The following UNC119B variants were observed in gnomAD, a reference collection of about 807,000 sequenced individuals.
The protein encoded by UNC119B is protein unc-119 homolog B.
A neutral mutation model predicts 23.4 loss-of-function variants in UNC119B; 16 were observed. The observed-to-expected ratio is 0.68, with a 90% CI of 0.46 to 1.04. The LOEUF is 1.04. Among genes scored for constraint, UNC119B ranks in the 50% least tolerant of loss-of-function variants. UNC119B has a pLI of 0.00. For missense variants in UNC119B, 350 were observed against 361.3 expected (o/e 0.97, Z 0.25); for synonymous variants, 144 against 145.4 (o/e 0.99, Z 0.07).
rs1659254666 is a variant in UNC119B at position 120,716,724 on chromosome 12, G to A, written c.455G>A (p.Arg152Gln). Reference sequence around the variant, plus strand: ...TTCACACCGGCATTTCTCCGCCTCCGGACAGTCGGGGCTACGTGAGTACCA... The same window carrying A: ...TTCACACCGGCATTTCTCCGCCTCCAGACAGTCGGGGCTACGTGAGTACCA... ...YQFTPAFLRL[R>Q]TVGATVEFTV... The change falls in exon 3 of 5, where the codon CGG becomes CAG. Residue 152 changes from arginine (R) to glutamine (Q), a missense_variant. Coordinates refer to ENST00000344651, the MANE Select transcript of UNC119B (RefSeq NM_001080533.3). 2.5e-6 allele frequency: 4 copies of A among 1,614,044 alleles called. No homozygotes were observed. Among genetic ancestry groups the A allele is most frequent in the Admixed American group, 1.7e-5 (1 of 60,008 alleles).
Position 120,713,403 on chromosome 12 carries a change from G to A in UNC119B, c.358+16G>A. 6.3e-7 allele frequency: 1 copy of A among 1,583,616 alleles called. No individual in the cohort carries two copies. Among genetic ancestry groups the A allele is most frequent in the Non-Finnish European group, 8.7e-7 (1 of 1,153,910 alleles). On this transcript the variant is annotated intron_variant, in intron 2 of 4. Transcript: ENST00000344651. ...TGCGTTTCAGGTAGGCCTCTACGTTGTGGTGACCACTAGACAGTTTTGAGC... is the reference window on the plus strand; with the variant it reads ...TGCGTTTCAGGTAGGCCTCTACGTTATGGTGACCACTAGACAGTTTTGAGC...
At chr12:120,714,902 T>C (rs890157153) in intron 2 of UNC119B, among the ~76,000 whole-genome samples, 2 of 152,126 alleles carry the variant, frequency 1.3e-5, no homozygotes, top group Non-Finnish European at 2.9e-5. Flanking sequence ...ATTCCCCACA[T>C]TGAGGCTGGG....
chr12:120,713,586 G>A (rs539081057), intron 2 of UNC119B, among the ~76,000 whole-genome samples, 199 bp downstream of exon 2: 1 of 152,362 alleles, frequency 6.6e-6, no homozygotes, highest in South Asian at 2.1e-4. Flanking sequence ...TGTCTATTCT[G>A]TGCTGGTCAC....
Position 120,713,290 on chromosome 12 carries a change from C to T in UNC119B, c.261C>T (p.Pro87=), listed in dbSNP as rs11829037. ...SRVTENYLCK[P]EDNIYSIDFT... ...TGTTTTCAGATTATTTATGTAAACC[C>T]GAAGACAACATCTACAGTATTGATT... The change falls in exon 2 of 5, where the codon CCC becomes CCT. Residue 87 remains proline, a synonymous_variant. Transcript: ENST00000344651. 0.03 allele frequency: 47,718 copies of T among 1,610,150 alleles called. 4,300 individuals carry two copies. In the African/African-American group the frequency reaches 0.31, roughly 10 times the overall value.
chr12:120,719,851 C>A, intron 4 of UNC119B, 69 bp from the exon 5 acceptor site: 1 of 1,134,482 alleles, frequency 8.8e-7, no homozygotes. Flanking sequence ...AGTTTTCTCC[C>A]ACCTACCCTG....
chr12:120,713,525 C>T, intron 2 of UNC119B, 138 bp downstream of exon 2: 1 of 644,632 alleles, frequency 1.6e-6, no homozygotes, highest in Non-Finnish European at 2.7e-6. Flanking sequence ...GTGGCCTGGT[C>T]TGCCAGGCAT....
rs1248489074 is a variant in UNC119B at position 120,720,182 on chromosome 12, A to T, written c.*150A>T. The T allele has an allele frequency of 1.6e-6, 1 of 622,482 alleles. No homozygotes were observed. Among genetic ancestry groups the T allele is most frequent in the Non-Finnish European group, 2.8e-6 (1 of 352,744 alleles). The allele number at this position is 622,482 out of a possible 1,614,324, so 38.6% of individuals were successfully genotyped here. On this transcript the variant is annotated 3_prime_UTR_variant, in exon 5 of 5. Coordinates refer to ENST00000344651, the MANE Select transcript of UNC119B (RefSeq NM_001080533.3). ...GTGGCAGTTTCCTGCGCGCCAAAGG[A>T]GCTGCCAAACAGTGCTGTGTTTTCT...
rs1882905168 is a variant in UNC119B, at chr12:120,721,668, G to C, written c.*1636G>C. On this transcript the variant is annotated 3_prime_UTR_variant, in exon 5 of 5. Transcript: ENST00000344651. The stretch of plus-strand genomic sequence containing the variant: ...ATGCTGGCAGCTTTCTCACTGAGAA[G>C]GTCCTAGCTTACCCCTGTGTGCTGG... 1 of 152,786 alleles carries C rather than the reference G, an allele frequency of 6.5e-6. No homozygotes were observed. Among genetic ancestry groups the C allele is most frequent in the African/African-American group, 2.4e-5 (1 of 41,466 alleles). The allele number at this position is 152,786 out of a possible 1,614,324, so 9.5% of individuals were successfully genotyped here.
rs1176589169 is a variant in UNC119B at position 120,710,564 on chromosome 12, G to A, written c.90G>A (p.Ala30=). 12 of 1,395,688 alleles carry A rather than the reference G, an allele frequency of 8.6e-6. No homozygotes were observed. Among genetic ancestry groups the A allele is most frequent in the Middle Eastern group, 5.1e-4 (2 of 3,904 alleles). 86.5% of individuals were successfully genotyped at this position (1,395,688 alleles called of 1,614,324 possible). A position where few individuals can be genotyped will look rare whatever the true frequency, so the allele number is the denominator to read the frequency against. Residue 30 remains alanine, a synonymous_variant, in exon 1 of 5, where the codon GCG becomes GCA. Transcript: ENST00000344651. ...LVAGKEEKKK[A]GGGVLNRLKA... ...CTGGCAAGGAGGAGAAGAAGAAGGC[G>A]GGCGGCGGCGTCCTGAACCGCCTGA...
Position 120,710,482 on chromosome 12 carries a change from G to T in UNC119B, c.8G>T (p.Gly3Val). The T allele has an allele frequency of 7.4e-7, 1 of 1,345,080 alleles. No homozygotes were observed. Among genetic ancestry groups the T allele is most frequent in the Non-Finnish European group, 9.5e-7 (1 of 1,055,062 alleles). 83.3% of individuals were successfully genotyped at this position (1,345,080 alleles called of 1,614,324 possible). A position where few individuals can be genotyped will look rare whatever the true frequency, so the allele number is the denominator to read the frequency against. Residue 3 changes from glycine (G) to valine (V), a missense_variant, in exon 1 of 5, where the codon GGG (glycine) becomes GTG (valine). Transcript: ENST00000344651. ...CATCTTGGCGGCGGAGCGATGAGCG[G>T]GTCTAACCCGAAGGCTGCGGCCGCG... is the stretch of plus-strand genomic sequence containing the variant. MS[G>V]SNPKAAAAAS...
rs966292774 is a variant in UNC119B at position 120,710,487 on chromosome 12, A to G, written c.13A>G (p.Asn5Asp). The G allele has an allele frequency of 1.9e-5, 26 of 1,350,906 alleles. No homozygotes were observed. The highest frequency in any genetic ancestry group is 2.5e-5 in the Non-Finnish European group (26 of 1,058,576). 83.7% of individuals were successfully genotyped at this position (1,350,906 alleles called of 1,614,324 possible). The change falls in exon 1 of 5, where the codon AAC (asparagine) becomes GAC (aspartate). Residue 5 changes from asparagine to aspartate, a missense_variant. Coordinates refer to ENST00000344651, the MANE Select transcript of UNC119B (RefSeq NM_001080533.3). The stretch of plus-strand genomic sequence containing the variant: ...TGGCGGCGGAGCGATGAGCGGGTCT[A>G]ACCCGAAGGCTGCGGCCGCGGCGTC... MSGSNPKAAAAASAA... is the reference protein window; with the variant it reads MSGSDPKAAAAASAA...
intron 2 of UNC119B, among the ~76,000 whole-genome samples, chr12:120,713,659 G>C (rs1196062750): frequency 6.6e-6 from 1 of 152,232 alleles, no homozygotes; most frequent in Non-Finnish European, 1.5e-5. Context: ...AGGAATTACT[G>C]TTATCTCTGT....
intron 1 of UNC119B, chr12:120,711,198 C>T: frequency 6.5e-6 from 1 of 153,054 alleles, no homozygotes; most frequent in East Asian, 1.9e-4. Flanking sequence ...AGCCCTCCCC[C>T]ATTGCAGCCT....
At position 120,722,490 on chromosome 12, in the gene UNC119B, G is replaced by T. The variant is rs1469042944; in HGVS notation, c.*2458G>T. ...TCTCTGAAAGTAACAGAACCATTCA[G>T]GCTGCCATGTTATTAAGGAATCTGA... On this transcript the variant is annotated 3_prime_UTR_variant, in exon 5 of 5. Transcript: ENST00000344651. 1 of 152,236 alleles carries T rather than the reference G, an allele frequency of 6.6e-6. No individual in the cohort carries two copies. Among genetic ancestry groups the T allele is most frequent in the African/African-American group, 2.4e-5 (1 of 41,462 alleles). The allele number at this position is 152,236 out of a possible 1,614,324, so 9.4% of individuals were successfully genotyped here.
rs55906857 is a variant in UNC119B at position 120,715,521 on chromosome 12, CTTTTTTTTT to C, written c.359-1086_359-1078del. Among the ~76,000 whole-genome samples, 42 of 71,514 alleles carry C rather than the reference CTTTTTTTTT, an allele frequency of 5.9e-4. No individual in the cohort carries two copies. The South Asian group carries it at 6.7e-3, about 11-fold the overall frequency. 46.9% of individuals were successfully genotyped at this position (71,514 alleles called of 152,430 possible). On this transcript the variant is annotated intron_variant, in intron 2 of 4. Coordinates refer to ENST00000344651, the MANE Select transcript of UNC119B (RefSeq NM_001080533.3). ...ACATTAGAATGCTTGTTCTCTGATT[CTTTTTTTTT>C]TTTTTTTTTTTTTTTTTTTTGAGAC...
At chr12:120,719,185 T>G (rs1882840058) in intron 4 of UNC119B, among the ~76,000 whole-genome samples, 1 of 152,186 alleles carries the variant, frequency 6.6e-6, no homozygotes, top group Admixed American at 6.5e-5. Flanking sequence ...AGAGGTAGTA[T>G]TATCTTTATT....
In UNC119B at chr12:120,720,003, G is replaced by T. The variant is rs758512832; in HGVS notation, c.727G>T (p.Ala243Ser). The change falls in exon 5 of 5, where the codon GCT becomes TCT. Residue 243 changes from alanine (A) to serine (S), a missense_variant. Ala to Ser is a moderately conservative substitution (Grantham distance 99). Coordinates refer to ENST00000344651, the MANE Select transcript of UNC119B (RefSeq NM_001080533.3). Reference sequence around the variant, plus strand: ...CAACAAGCTGATAATGCACAACAAGGCTGATTATGCCTATAATGGAGGCCA... The same window carrying T: ...CAACAAGCTGATAATGCACAACAAGTCTGATTATGCCTATAATGGAGGCCA... The part of the protein sequence containing the change: ...VDNKLIMHNK[A>S]DYAYNGGQ 6.2e-7 allele frequency: 1 copy of T among 1,613,970 alleles called. No homozygotes were observed. The highest frequency in any genetic ancestry group is 8.5e-7 in the Non-Finnish European group (1 of 1,179,976).
Position 120,710,524 on chromosome 12 carries a change from C to CCGGGGGG in UNC119B, c.52_58dup (p.Leu20ArgfsTer69). On this transcript the variant is annotated frameshift_variant, in exon 1 of 5. Coordinates refer to ENST00000344651, the MANE Select transcript of UNC119B (RefSeq NM_001080533.3). LOFTEE classifies it high-confidence loss of function. Reference sequence around the variant, plus strand: ...GCGGCCGCGGCGTCGGCGGCTGGGCCCGGGGGGCTGGTGGCTGGCAAGGAG... The same window carrying CCGGGGGG: ...GCGGCCGCGGCGTCGGCGGCTGGGCCCGGGGGGCGGGGGGCTGGTGGCTGGCAAGGAG... 3 of 1,370,056 alleles carry CCGGGGGG rather than the reference C, an allele frequency of 2.2e-6. No homozygotes were observed. The highest frequency in any genetic ancestry group is 2.8e-6 in the Non-Finnish European group (3 of 1,068,140). 84.9% of individuals were successfully genotyped at this position (1,370,056 alleles called of 1,614,324 possible). A position where few individuals can be genotyped will look rare whatever the true frequency, so the allele number is the denominator to read the frequency against.
In UNC119B at chr12:120,721,767, ACT is replaced by A. The variant is rs1592930076; in HGVS notation, c.*1739_*1740del. 6.6e-6 allele frequency: 1 copy of A among 152,446 alleles called. No homozygotes were observed. The highest frequency in any genetic ancestry group is 6.6e-5 in the Admixed American group (1 of 15,258). 9.4% of individuals were successfully genotyped at this position (152,446 alleles called of 1,614,324 possible). A position where few individuals can be genotyped will look rare whatever the true frequency, so the allele number is the denominator to read the frequency against. On this transcript the variant is annotated 3_prime_UTR_variant, in exon 5 of 5. Coordinates refer to ENST00000344651, the MANE Select transcript of UNC119B (RefSeq NM_001080533.3). ...TGGGTTCCTTATCACCAGACCGGCCACTCTCAGAACTGGCGTCCACTGTAAAT... is the reference window on the plus strand; with the variant it reads ...TGGGTTCCTTATCACCAGACCGGCCACTCAGAACTGGCGTCCACTGTAAAT...
Sources: gnomAD v4.1 joint callset for allele counts (sites outside exome capture counted in the v4.1 genomes callset) on GRCh38, gnomAD v4.1.1 for gene constraint, MANE v1.5 for transcripts, NCBI Gene and HGNC (gene_info 2026-07-23, HGNC 2026-07-21) for gene names.